The following MAP2K5 variants were observed in gnomAD, a reference collection of about 807,000 sequenced individuals.
MAP2K5 encodes mitogen-activated protein kinase kinase 5.
A neutral mutation model predicts 83.1 loss-of-function variants in MAP2K5; 49 were observed. The ratio of observed to expected loss-of-function variants is 0.59; its 90% CI spans 0.47 to 0.75. The LOEUF is 0.75. Among genes scored for constraint, MAP2K5 ranks in the 30% least tolerant of loss-of-function variants. The pLI, the probability that MAP2K5 is intolerant of heterozygous loss-of-function variation, is 0.00. For missense variants in MAP2K5, 457 were observed against 557.5 expected (o/e 0.82, Z 1.82); for synonymous variants, 202 against 191.8 (o/e 1.05, Z -0.44).
intron 13 of MAP2K5, among the ~76,000 whole-genome samples, chr15:67,678,476 A>C (rs1201955469): frequency 6.6e-6 from 1 of 152,248 alleles, no homozygotes; most frequent in Non-Finnish European, 1.5e-5. Context: ...GCATTCAGTG[A>C]GACATGTAAA....
rs754337968 is a variant in MAP2K5, at chr15:67,664,588, T to C, written c.799-9T>C. On this transcript the variant is annotated splice_polypyrimidine_tract_variant and intron_variant, in intron 12 of 21. Coordinates refer to ENST00000178640, the MANE Select transcript of MAP2K5 (RefSeq NM_145160.3). ...GATAATTGTACTGTTTTCTTTTTCC[T>C]AAATTTAGGTTGTTAAAGGCCTTAC... 6.6e-7 allele frequency: 1 copy of C among 1,520,486 alleles called. No individual in the cohort carries two copies. The highest frequency in any genetic ancestry group is 1.1e-5 in the South Asian group (1 of 88,764). The allele number at this position is 1,520,486 out of a possible 1,614,324, so 94.2% of individuals were successfully genotyped here.
At chr15:67,661,160 T>C (rs1055809223) in intron 12 of MAP2K5, among the ~76,000 whole-genome samples, 15 of 152,096 alleles carry the variant, frequency 9.9e-5, no homozygotes, top group South Asian at 4.2e-4. Context: ...GTTTTTTTTT[T>C]CCCCCAAAGG....
intron 4 of MAP2K5, 155 bp from the exon 5 acceptor site, chr15:67,585,735 G>A: frequency 1.6e-6 from 1 of 626,880 alleles, no homozygotes; most frequent in South Asian, 1.9e-5. Context: ...TAAAACCCTG[G>A]TTCATAATTC....
At position 67,748,627 on chromosome 15, in the gene MAP2K5, A is replaced by G. The variant is rs763636538; in HGVS notation, c.1134+26A>G. On this transcript the variant is annotated intron_variant, in intron 19 of 21. Coordinates refer to ENST00000178640, the MANE Select transcript of MAP2K5 (RefSeq NM_145160.3). The surrounding 1 kb of genome is among the most constrained non-coding windows in gnomAD (Gnocchi z 4.0). ...GTGAGGCATCGTCTTATGTGCTTTC[A>G]CTCCTAAAGTCATTCCTAATGGTGT... The G allele has an allele frequency of 4.4e-6, 7 of 1,608,368 alleles. No homozygotes were observed. The highest frequency in any genetic ancestry group is 6.0e-6 in the Non-Finnish European group (7 of 1,175,604).
At position 67,738,466 on chromosome 15, in the gene MAP2K5, A is replaced by G. The variant is rs987730648; in HGVS notation, c.1075-9765A>G. Among the ~76,000 whole-genome samples the G allele has an allele frequency of 1.3e-4, 20 of 152,320 alleles. No homozygotes were observed. The highest frequency in any genetic ancestry group is 4.8e-4 in the African/African-American group (20 of 41,572). On this transcript the variant is annotated intron_variant, in intron 17 of 21. Coordinates refer to ENST00000178640, the MANE Select transcript of MAP2K5 (RefSeq NM_145160.3). The surrounding 1 kb of genome is among the most constrained non-coding windows in gnomAD (Gnocchi z 4.1). ...GGGCATAGGAGGCAGCAAATGACAC[A>G]CCCGACAAGTGACAAATTAAGTCAC...
At chr15:67,582,861 A>G (rs1295892501) in intron 4 of MAP2K5, among the ~76,000 whole-genome samples, 2 of 150,954 alleles carry the variant, frequency 1.3e-5, no homozygotes, top group Admixed American at 1.3e-4. Context: ...CACACTTCCA[A>G]TGTTGTGGGT....
intron 13 of MAP2K5, among the ~76,000 whole-genome samples, chr15:67,671,516 A>G (rs1457939887): frequency 1.3e-5 from 2 of 152,202 alleles, no homozygotes; most frequent in African/African-American, 4.8e-5. Flanking sequence ...GACTCATGTT[A>G]TCAAATCAAA....
chr15:67,715,248 TA>T (rs958642885), intron 16 of MAP2K5, among the ~76,000 whole-genome samples: 54 of 151,296 alleles, frequency 3.6e-4, no homozygotes, highest in African/African-American at 1.3e-3. Context: ...GGGGGGGGTC[TA>T]AAATTGTGTG....
At chr15:67,751,594 T>C (rs1325782398) in intron 19 of MAP2K5, among the ~76,000 whole-genome samples, 2 of 152,228 alleles carry the variant, frequency 1.3e-5, no homozygotes, top group African/African-American at 4.8e-5. Context: ...AATTTATGAC[T>C]GTAAGCTCTG....
intron 16 of MAP2K5, among the ~76,000 whole-genome samples, chr15:67,711,343 T>G (rs2088687624): frequency 6.6e-6 from 1 of 152,212 alleles, no homozygotes; most frequent in African/African-American, 2.4e-5. Flanking sequence ...GAAGAAGAGC[T>G]TTCAGTTTAC....
chr15:67,606,081 A>G (rs1160688100), intron 8 of MAP2K5, among the ~76,000 whole-genome samples: 4 of 152,182 alleles, frequency 2.6e-5, no homozygotes, highest in Non-Finnish European at 4.4e-5. Context: ...CTTTGGAAAC[A>G]TTGTTTGATT....
intron 11 of MAP2K5, among the ~76,000 whole-genome samples, chr15:67,654,337 C>T (rs996410110): frequency 1.3e-5 from 2 of 152,138 alleles, no homozygotes; most frequent in Non-Finnish European, 2.9e-5. Flanking sequence ...ATTTTTTCCA[C>T]TAGTATAGTC....
Position 67,646,311 on chromosome 15 carries a change from A to G in MAP2K5, c.654+12A>G. ...AAATTCTTTATAAGGTAATTTTTTC[A>G]TAATTTTTATTTGTAAAGCATGCCT... On this transcript the variant is annotated intron_variant, in intron 10 of 21. Transcript: ENST00000178640. The G allele has an allele frequency of 6.9e-7, 1 of 1,440,240 alleles. No homozygotes were observed. The highest frequency in any genetic ancestry group is 9.7e-7 in the Non-Finnish European group (1 of 1,034,410). The allele number at this position is 1,440,240 out of a possible 1,614,324, so 89.2% of individuals were successfully genotyped here.
chr15:67,585,607 G>A (rs2141001747), intron 4 of MAP2K5: 1 of 368,880 alleles, frequency 2.7e-6, no homozygotes, highest in East Asian at 4.8e-5. Context: ...ATTATGAAAG[G>A]AATCTAATCA....
rs892121784 is a variant in MAP2K5 at position 67,783,682 on chromosome 15, C to T, written c.1242+10930C>T. Among the ~76,000 whole-genome samples, 2 of 152,128 alleles carry T rather than the reference C, an allele frequency of 1.3e-5. No homozygotes were observed. The highest frequency in any genetic ancestry group is 4.8e-5 in the African/African-American group (2 of 41,408). On this transcript the variant is annotated intron_variant, in intron 21 of 21. Transcript: ENST00000178640. This position sits in a 1 kb window ranked among gnomAD's most constrained non-coding sequence, Gnocchi z 5.1. ...ATCTTTGTATCCTTAGCATCTAGCCCAGTCTCCAGCCTGAGTAGAATGCTC... is the reference window on the plus strand; with the variant it reads ...ATCTTTGTATCCTTAGCATCTAGCCTAGTCTCCAGCCTGAGTAGAATGCTC...
chr15:67,617,903 A>C (rs1009790600), intron 8 of MAP2K5, among the ~76,000 whole-genome samples: 1 of 152,126 alleles, frequency 6.6e-6, no homozygotes, highest in Non-Finnish European at 1.5e-5. Flanking sequence ...TATGTTGCCC[A>C]GGCTGGTCTT....
At position 67,764,248 on chromosome 15, in the gene MAP2K5, G is replaced by A. The variant is rs1256616998; in HGVS notation, c.1135-5354G>A. On this transcript the variant is annotated intron_variant, in intron 19 of 21. Transcript: ENST00000178640. The surrounding 1 kb of genome is among the most constrained non-coding windows in gnomAD (Gnocchi z 4.9). ...CTGCCAGTATGCATAAGGTTTGAAG[G>A]AATGTCTGTTTTGTATAAGGAGAAG... 2.0e-5 allele frequency among the ~76,000 whole-genome samples: 3 copies of A among 152,178 alleles called. No individual in the cohort carries two copies. The highest frequency in any genetic ancestry group is 2.9e-5 in the Non-Finnish European group (2 of 68,030).
rs2140988490 is a variant in MAP2K5 at position 67,577,251 on chromosome 15, A to G, written c.253-3503A>G. On this transcript the variant is annotated intron_variant, in intron 3 of 21. Transcript: ENST00000178640. This position sits in a 1 kb window ranked among gnomAD's most constrained non-coding sequence, Gnocchi z 4.1. ...TGCCCGGCCAGTAACCCTATATATT[A>G]GGGTAAATATTTTTATGCTCATTTG... is the stretch of plus-strand genomic sequence containing the variant. Among the ~76,000 whole-genome samples, 1 of 152,272 alleles carries G rather than the reference A, an allele frequency of 6.6e-6. No individual in the cohort carries two copies. Among genetic ancestry groups the G allele is most frequent in the South Asian group, 2.1e-4 (1 of 4,820 alleles).
chr15:67,640,162 A>G lies in MAP2K5; in HGVS notation c.586-6069A>G. Among the ~76,000 whole-genome samples the G allele has an allele frequency of 6.6e-6, 1 of 152,220 alleles. No individual in the cohort carries two copies. Among genetic ancestry groups the G allele is most frequent in the East Asian group, 1.9e-4 (1 of 5,208 alleles). On this transcript the variant is annotated intron_variant, in intron 9 of 21. Coordinates refer to ENST00000178640, the MANE Select transcript of MAP2K5 (RefSeq NM_145160.3). This position sits in a 1 kb window ranked among gnomAD's most constrained non-coding sequence, Gnocchi z 4.6. ...CTGCAGATCCTTGCATATAGGGTAT[A>G]GTACAAAGCATTACACATAACGAGT...
Sources: gnomAD v4.1 joint callset for allele counts (sites outside exome capture counted in the v4.1 genomes callset) on GRCh38, gnomAD v4.1.1 for gene constraint, Gnocchi (gnomAD v3.1) non-coding constraint, MANE v1.5 for transcripts, NCBI Gene and HGNC (gene_info 2026-07-23, HGNC 2026-07-21) for gene names.